The following KCTD6 variants were observed in gnomAD, a reference collection of about 807,000 sequenced individuals.
KCTD6 encodes the protein potassium channel tetramerization domain containing 6, also known as BTB/POZ domain-containing protein KCTD6.
In KCTD6, 6 loss-of-function variants were observed where a neutral mutation model predicts 18.7. The observed-to-expected ratio is 0.32, with a 90% CI of 0.18 to 0.63. The LOEUF (loss-of-function observed/expected upper bound fraction) is 0.63. KCTD6 is among the 30% of genes least tolerant of loss of function. KCTD6 has a pLI of 0.79. For synonymous variants in KCTD6, 86 were observed against 108.5 expected (o/e 0.79, Z 1.29); for missense variants, 165 against 300.2 (o/e 0.55, Z 3.33).
chr3:58,501,273 G>T lies in KCTD6; in HGVS notation c.355G>T (p.Glu119Ter). 1 of 1,614,116 alleles carries T rather than the reference G, an allele frequency of 6.2e-7. No individual in the cohort carries two copies. The highest frequency in any genetic ancestry group is 8.5e-7 in the Non-Finnish European group (1 of 1,180,026). ...KPLYPMDTFE[E>*]VVELSSTRKL... ...TTTGTATCCCATGGATACTTTTGAA[G>T]AAGTTGTGGAGCTGTCTAGTACTCG... The change falls in exon 3 of 3, where the codon GAA (glutamate) becomes TAA (stop). Residue 119 changes from glutamate to a stop codon, truncating the protein, a stop_gained. Transcript: ENST00000404589. LOFTEE classifies it high-confidence loss of function. The surrounding 1 kb of genome is among the most constrained non-coding windows in gnomAD (Gnocchi z 9.7).
rs562395617 is a variant in KCTD6, at chr3:58,501,320, C to T, written c.402C>T (p.Asn134=). Residue 134 remains asparagine (N), a synonymous_variant, in exon 3 of 3, where the codon AAC becomes AAT. Transcript: ENST00000404589. The surrounding 1 kb of genome is among the most constrained non-coding windows in gnomAD (Gnocchi z 9.7). Reference sequence around the variant, plus strand: ...CTCGGAAGCTTTCTAAGTACTCCAACCCAGTGGCTGTCATCATAACGCAAC... The same window carrying T: ...CTCGGAAGCTTTCTAAGTACTCCAATCCAGTGGCTGTCATCATAACGCAAC... ...SSTRKLSKYS[N]PVAVIITQLT... is the part of the protein sequence containing the mutation. 1.9e-6 allele frequency: 3 copies of T among 1,611,148 alleles called. No homozygotes were observed. The highest frequency in any genetic ancestry group is 3.4e-5 in the Admixed American group (2 of 59,280).
At position 58,496,140 on chromosome 3, in the gene KCTD6, C is replaced by G. The variant is rs1481566171; in HGVS notation, c.-43-2573C>G. On this transcript the variant is annotated intron_variant, in intron 1 of 2. Transcript: ENST00000404589. The surrounding 1 kb of genome is among the most constrained non-coding windows in gnomAD (Gnocchi z 5.1). Reference sequence around the variant, plus strand: ...TTCCTGCCTTTTTTTGGTGGGGGGGCCTCAGGAGAATTTTTACAAACCCAT... The same window carrying G: ...TTCCTGCCTTTTTTTGGTGGGGGGGGCTCAGGAGAATTTTTACAAACCCAT... Among the ~76,000 whole-genome samples, 1 of 143,080 alleles carries G rather than the reference C, an allele frequency of 7.0e-6. No homozygotes were observed. The highest frequency in any genetic ancestry group is 1.5e-5 in the Non-Finnish European group (1 of 64,912). 93.9% of individuals were successfully genotyped at this position (143,080 alleles called of 152,430 possible).
rs1576980665 is a variant in KCTD6, at chr3:58,501,233, C to T, written c.315C>T (p.Leu105=). The change falls in exon 3 of 3, where the codon CTC becomes CTT. Residue 105 remains leucine, a synonymous_variant. Coordinates refer to ENST00000404589, the MANE Select transcript of KCTD6 (RefSeq NM_001128214.2). The surrounding 1 kb of genome is among the most constrained non-coding windows in gnomAD (Gnocchi z 9.7). ...AGATTGAGCCCTTGATTCAGTGTCT[C>T]AATGATCCTAAGCCTTTGTATCCCA... ...FYQIEPLIQC[L]NDPKPLYPMD... 1.2e-6 allele frequency: 2 copies of T among 1,614,144 alleles called. No homozygotes were observed. The highest frequency in any genetic ancestry group is 1.7e-6 in the Non-Finnish European group (2 of 1,180,034).
intron 1 of KCTD6, among the ~76,000 whole-genome samples, chr3:58,494,909 A>C (rs1452349086): frequency 1.3e-5 from 2 of 152,244 alleles, no homozygotes; most frequent in Non-Finnish European, 2.9e-5. Context: ...TTTGAAGCTT[A>C]AACATGGTTG....
At chr3:58,500,884 T>C in intron 2 of KCTD6, 62 bp from the exon 3 acceptor site, 2 of 1,062,810 alleles carry the variant, frequency 1.9e-6, no homozygotes, top group Admixed American at 2.3e-5. Context: ...CTTACTTTCT[T>C]AATTTGTCAA....
chr3:58,494,848 A>G (rs1053443914), intron 1 of KCTD6, among the ~76,000 whole-genome samples: 1 of 152,198 alleles, frequency 6.6e-6, no homozygotes, highest in Admixed American at 6.5e-5. Flanking sequence ...CTTAAGCTTA[A>G]TTACCTGCTA....
Position 58,498,133 on chromosome 3 carries a change from C to A in KCTD6, c.-43-580C>A, listed in dbSNP as rs1413790216. On this transcript the variant is annotated intron_variant, in intron 1 of 2. Transcript: ENST00000404589. The surrounding 1 kb of genome is among the most constrained non-coding windows in gnomAD (Gnocchi z 4.6). ...AATAGCTAGGATTACAGGTGCCCAC[C>A]ACCACGCCCAGCTAATTTTTTGTAT... is the stretch of plus-strand genomic sequence containing the variant. 1 of 152,200 alleles carries A rather than the reference C, an allele frequency of 6.6e-6. No homozygotes were observed. The highest frequency in any genetic ancestry group is 2.4e-5 in the African/African-American group (1 of 41,398). The allele number at this position is 152,200 out of a possible 1,614,324, so 9.4% of individuals were successfully genotyped here.
At position 58,501,963 on chromosome 3, in the gene KCTD6, AACT is replaced by A. The variant is rs2063206983; in HGVS notation, c.*333_*335del. The stretch of plus-strand genomic sequence containing the variant: ...TTTCTGATAAAATGGTCCCTAACTC[AACT>A]AGAAGGCTAAAAATACAAGAATGAA... On this transcript the variant is annotated 3_prime_UTR_variant, in exon 3 of 3. Transcript: ENST00000404589. This position sits in a 1 kb window ranked among gnomAD's most constrained non-coding sequence, Gnocchi z 9.7. The A allele has an allele frequency of 5.8e-6, 1 of 172,692 alleles. No homozygotes were observed. The highest frequency in any genetic ancestry group is 1.2e-5 in the Non-Finnish European group (1 of 81,610). The allele number at this position is 172,692 out of a possible 1,614,324, so 10.7% of individuals were successfully genotyped here. A position where few individuals can be genotyped will look rare whatever the true frequency, so the allele number is the denominator to read the frequency against.
intron 2 of KCTD6, among the ~76,000 whole-genome samples, chr3:58,499,588 C>T (rs1179270424): frequency 6.8e-6 from 1 of 146,398 alleles, no homozygotes; most frequent in Non-Finnish European, 1.5e-5. Flanking sequence ...TGCTCTTTTC[C>T]CTAGGCTGGA....
rs576257950 is a variant in KCTD6 at position 58,496,066 on chromosome 3, A to T, written c.-43-2647A>T. Among the ~76,000 whole-genome samples the T allele has an allele frequency of 6.6e-6, 1 of 152,110 alleles. No homozygotes were observed. The highest frequency in any genetic ancestry group is 1.9e-4 in the East Asian group (1 of 5,176). ...GGATATTCACGGATTGGAGTTCTTT[A>T]TGTCACTACAGACAGGACAGCAACC... On this transcript the variant is annotated intron_variant, in intron 1 of 2. Coordinates refer to ENST00000404589, the MANE Select transcript of KCTD6 (RefSeq NM_001128214.2). This position sits in a 1 kb window ranked among gnomAD's most constrained non-coding sequence, Gnocchi z 5.1.
chr3:58,496,134 G>GC lies in KCTD6; in HGVS notation c.-43-2579_-43-2578insC, dbSNP rs1576978484. 6.6e-6 allele frequency among the ~76,000 whole-genome samples: 1 copy of GC among 151,050 alleles called. No homozygotes were observed. The highest frequency in any genetic ancestry group is 1.5e-5 in the Non-Finnish European group (1 of 67,724). On this transcript the variant is annotated intron_variant, in intron 1 of 2. Coordinates refer to ENST00000404589, the MANE Select transcript of KCTD6 (RefSeq NM_001128214.2). The surrounding 1 kb of genome is among the most constrained non-coding windows in gnomAD (Gnocchi z 5.1). ...AATGGGTTCCTGCCTTTTTTTGGTG[G>GC]GGGGGCCTCAGGAGAATTTTTACAA...
chr3:58,499,350 G>C (rs1471813243), intron 2 of KCTD6, among the ~76,000 whole-genome samples: 6 of 152,056 alleles, frequency 3.9e-5, no homozygotes. Flanking sequence ...CATGAATAGT[G>C]ACTACAAAGG....
chr3:58,492,667 C>G lies in KCTD6; in HGVS notation c.-44+498C>G, dbSNP rs1185874177. On this transcript the variant is annotated intron_variant, in intron 1 of 2. Transcript: ENST00000404589. This position sits in a 1 kb window ranked among gnomAD's most constrained non-coding sequence, Gnocchi z 6.1. ...AAACCCTGCCTTTGGGATTTTCTGC[C>G]CTGAAGAGACTCTCAGATCGCAGCT... is the stretch of plus-strand genomic sequence containing the variant. Among the ~76,000 whole-genome samples the G allele has an allele frequency of 6.6e-6, 1 of 152,098 alleles. No individual in the cohort carries two copies. Among genetic ancestry groups the G allele is most frequent in the African/African-American group, 2.4e-5 (1 of 41,424 alleles).
In KCTD6 at chr3:58,501,634, C is replaced by A; in HGVS notation, c.*2C>A. ...CTAGCCCGGAAGACAGACGACTGAT[C>A]TCCGACCCTGCCACAGGTTCCTGGA... On this transcript the variant is annotated 3_prime_UTR_variant, in exon 3 of 3. Coordinates refer to ENST00000404589, the MANE Select transcript of KCTD6 (RefSeq NM_001128214.2). The surrounding 1 kb of genome is among the most constrained non-coding windows in gnomAD (Gnocchi z 9.7). The A allele has an allele frequency of 7.6e-7, 1 of 1,320,402 alleles. No individual in the cohort carries two copies. The highest frequency in any genetic ancestry group is 3.1e-5 in the South Asian group (1 of 32,694). The allele number at this position is 1,320,402 out of a possible 1,614,324, so 81.8% of individuals were successfully genotyped here.
In KCTD6 at chr3:58,501,341, G is replaced by A. The variant is rs770787274; in HGVS notation, c.423G>A (p.Thr141=). 10 of 1,606,926 alleles carry A rather than the reference G, an allele frequency of 6.2e-6. No individual in the cohort carries two copies. Among genetic ancestry groups the A allele is most frequent in the Non-Finnish European group, 8.5e-6 (10 of 1,177,452 alleles). Residue 141 remains threonine (T), a synonymous_variant, in exon 3 of 3, where the codon ACG becomes ACA. Coordinates refer to ENST00000404589, the MANE Select transcript of KCTD6 (RefSeq NM_001128214.2). This position sits in a 1 kb window ranked among gnomAD's most constrained non-coding sequence, Gnocchi z 9.7. ...CCAACCCAGTGGCTGTCATCATAAC[G>A]CAACTAACCATCACCACTAAGGTCC... ...KYSNPVAVII[T]QLTITTKVHS...
At chr3:58,500,627 C>T (rs1235150390) in intron 2 of KCTD6, among the ~76,000 whole-genome samples, 1 of 152,094 alleles carries the variant, frequency 6.6e-6, no homozygotes, top group Non-Finnish European at 1.5e-5. Flanking sequence ...TCCCTTCCCA[C>T]ATATATTCTG....
At position 58,496,171 on chromosome 3, in the gene KCTD6, C is replaced by T. The variant is rs1223717298; in HGVS notation, c.-43-2542C>T. 6.6e-6 allele frequency among the ~76,000 whole-genome samples: 1 copy of T among 151,936 alleles called. No individual in the cohort carries two copies. Among genetic ancestry groups the T allele is most frequent in the Non-Finnish European group, 1.5e-5 (1 of 67,998 alleles). ...GAGAATTTTTACAAACCCATTATGA[C>T]TGTTTAGTTAGGCTGAGTTACTGTA... is the stretch of plus-strand genomic sequence containing the variant. On this transcript the variant is annotated intron_variant, in intron 1 of 2. Coordinates refer to ENST00000404589, the MANE Select transcript of KCTD6 (RefSeq NM_001128214.2). The surrounding 1 kb of genome is among the most constrained non-coding windows in gnomAD (Gnocchi z 5.1).
At chr3:58,499,894 C>T (rs563868652) in intron 2 of KCTD6, among the ~76,000 whole-genome samples, 1 of 152,060 alleles carries the variant, frequency 6.6e-6, no homozygotes, top group African/African-American at 2.4e-5. Context: ...TTAAGAGAAG[C>T]TTGCTTCTCA....
chr3:58,494,739 A>G (rs2063168704), intron 1 of KCTD6, among the ~76,000 whole-genome samples: 1 of 152,206 alleles, frequency 6.6e-6, no homozygotes, highest in Non-Finnish European at 1.5e-5. Flanking sequence ...TTTTTAAGTT[A>G]TTAACTTACT....
Sources: allele counts gnomAD v4.1 joint callset (sites outside exome capture counted in the v4.1 genomes callset), GRCh38; gene constraint gnomAD v4.1.1; non-coding constraint Gnocchi (gnomAD v3.1); transcripts MANE v1.5; gene names NCBI Gene and HGNC (gene_info 2026-07-23, HGNC 2026-07-21).